DLG2: variants seen among roughly 807,000 people sequenced by gnomAD.
DLG2 encodes the protein disks large homolog 2.
A neutral mutation model predicts 132.5 loss-of-function variants in DLG2; 45 were observed. The observed-to-expected ratio is 0.34, with a 90% CI of 0.27 to 0.44. The LOEUF is 0.44. DLG2 is among the 20% of genes least tolerant of loss of function. The pLI is 1.00. For synonymous variants in DLG2, 424 were observed against 419.6 expected (o/e 1.01, Z -0.13); for missense variants, 1,045 against 1,196.9 (o/e 0.87, Z 1.87).
At chr11:85,613,142 T>G (rs1270574168) in intron 2 of DLG2, among the ~76,000 whole-genome samples, 2 of 152,208 alleles carry the variant, frequency 1.3e-5, no homozygotes, top group Non-Finnish European at 2.9e-5. Flanking sequence ...TCCTCCCCTT[T>G]CTAGGTCCCA....
rs149796787 is a variant in DLG2, at chr11:85,004,879, A to G, written c.357+106782T>C. On this transcript the variant is annotated intron_variant, in intron 6 of 27. Coordinates refer to ENST00000376104, the MANE Select transcript of DLG2 (RefSeq NM_001142699.3). ...TTTAGGTCTTAGGTTTAAGTCTTTGATCCATCTTGAGCTAATTTTTGTATA... is the reference window on the plus strand; with the variant it reads ...TTTAGGTCTTAGGTTTAAGTCTTTGGTCCATCTTGAGCTAATTTTTGTATA... 7.8e-4 allele frequency among the ~76,000 whole-genome samples: 119 copies of G among 152,186 alleles called. 1 individual carries two copies. In the East Asian group the frequency reaches 0.021, roughly 27 times the overall value.
At chr11:84,887,765 A>G (rs1343601235) in intron 6 of DLG2, among the ~76,000 whole-genome samples, 1 of 152,096 alleles carries the variant, frequency 6.6e-6, no homozygotes, top group Non-Finnish European at 1.5e-5. Context: ...TTGGGAGAGG[A>G]GGAAATCAAA....
At chr11:85,417,472 G>A (rs1275902788) in intron 3 of DLG2, among the ~76,000 whole-genome samples, 1 of 152,126 alleles carries the variant, frequency 6.6e-6, no homozygotes, top group African/African-American at 2.4e-5. Flanking sequence ...ATGAGTTAGG[G>A]AGGAGTGTCT....
chr11:85,058,320 G>A (rs749468272), intron 6 of DLG2, among the ~76,000 whole-genome samples: 14 of 151,358 alleles, frequency 9.2e-5, no homozygotes, highest in Non-Finnish European at 1.9e-4. Context: ...ACCTCTGAAC[G>A]AGTAAATGTA....
At chr11:84,915,293 A>C (rs1591215757) in intron 6 of DLG2, among the ~76,000 whole-genome samples, 1 of 152,182 alleles carries the variant, frequency 6.6e-6, no homozygotes, top group Non-Finnish European at 1.5e-5. Context: ...ATTATAATAC[A>C]TTTAATCTTG....
chr11:83,705,912 T>G (rs912538036), intron 18 of DLG2, among the ~76,000 whole-genome samples: 5 of 152,134 alleles, frequency 3.3e-5, no homozygotes, highest in African/African-American at 1.2e-4. Flanking sequence ...AAGTTTCAAC[T>G]TCACAATTAA....
At chr11:83,980,760 G>T in intron 11 of DLG2, 118 bp from the exon 12 acceptor site, 1 of 974,168 alleles carries the variant, frequency 1.0e-6, no homozygotes, top group Non-Finnish European at 1.5e-6. Context: ...TATTGTAACA[G>T]CAATAAATAA....
At chr11:83,884,670 C>T (rs1425867522) in intron 15 of DLG2, among the ~76,000 whole-genome samples, 5 of 152,178 alleles carry the variant, frequency 3.3e-5, no homozygotes, top group Admixed American at 3.3e-4. Flanking sequence ...CCCTGACTAC[C>T]AAGCAGCCTA....
intron 3 of DLG2, among the ~76,000 whole-genome samples, chr11:85,376,924 C>T (rs2085452041): frequency 1.3e-5 from 2 of 152,052 alleles, no homozygotes. Flanking sequence ...GGAAAGAATA[C>T]CCAAGAAAAT....
intron 3 of DLG2, among the ~76,000 whole-genome samples, chr11:85,535,264 A>G (rs1022627699): frequency 6.6e-6 from 1 of 152,198 alleles, no homozygotes; most frequent in Non-Finnish European, 1.5e-5. Context: ...AAAGAAAAAA[A>G]TAATTTCAAA....
intron 3 of DLG2, among the ~76,000 whole-genome samples, chr11:85,533,914 T>C (rs935003209): frequency 6.6e-6 from 1 of 152,204 alleles, no homozygotes; most frequent in Non-Finnish European, 1.5e-5. Flanking sequence ...TTAAATTCCA[T>C]TTAAGGAAAA....
chr11:84,493,167 G>A (rs2099169661), intron 7 of DLG2, among the ~76,000 whole-genome samples: 1 of 152,018 alleles, frequency 6.6e-6, no homozygotes, highest in Non-Finnish European at 1.5e-5. Flanking sequence ...ATGGTGTGAT[G>A]GTGGATTTAT....
chr11:83,497,460 G>GAGAGGC (rs1443793485), intron 21 of DLG2, among the ~76,000 whole-genome samples: 3 of 151,234 alleles, frequency 2.0e-5, no homozygotes, highest in Non-Finnish European at 4.4e-5. Context: ...GCTTGAACCT[G>GAGAGGC]AGAGGCAGAG....
intron 3 of DLG2, among the ~76,000 whole-genome samples, chr11:85,550,759 C>T (rs2076618359): frequency 6.6e-6 from 1 of 152,230 alleles, no homozygotes; most frequent in Non-Finnish European, 1.5e-5. Context: ...CTATATGAGA[C>T]TTTCTCTGGC....
chr11:85,021,801 G>A (rs1368624801), intron 6 of DLG2: 1 of 502,768 alleles, frequency 2.0e-6, no homozygotes, highest in South Asian at 2.3e-5. Context: ...GCTCGAGGTG[G>A]GTAATGCAGC....
chr11:84,199,728 G>A (rs1286694119), intron 8 of DLG2, among the ~76,000 whole-genome samples: 1 of 151,964 alleles, frequency 6.6e-6, no homozygotes, highest in African/African-American at 2.4e-5. Context: ...TGGGAATATA[G>A]GTCAATAGAA....
At chr11:84,920,897 G>GA (rs891491601) in intron 6 of DLG2, among the ~76,000 whole-genome samples, 5 of 151,498 alleles carry the variant, frequency 3.3e-5, no homozygotes, top group East Asian at 1.9e-4. Flanking sequence ...TGTGTGCAGA[G>GA]AAAAAAAAGA....
rs541778691 is a variant in DLG2 at position 83,645,584 on chromosome 11, G to A, written c.1826-12259C>T. On this transcript the variant is annotated intron_variant, in intron 18 of 27. Coordinates refer to ENST00000376104, the MANE Select transcript of DLG2 (RefSeq NM_001142699.3). ...ATCAGCTAGGAGACAGTTCATCCCTGTATAAGTAAAACAGGCAAATTTATC... is the reference window on the plus strand; with the variant it reads ...ATCAGCTAGGAGACAGTTCATCCCTATATAAGTAAAACAGGCAAATTTATC... The A allele has an allele frequency of 2.0e-5, 3 of 152,254 alleles. No homozygotes were observed. In the South Asian group the frequency reaches 6.2e-4, roughly 32 times the overall value. The allele number at this position is 152,254 out of a possible 1,614,324, so 9.4% of individuals were successfully genotyped here. A position where few individuals can be genotyped will look rare whatever the true frequency, so the allele number is the denominator to read the frequency against.
intron 6 of DLG2, among the ~76,000 whole-genome samples, chr11:84,856,316 C>A (rs1433670489): frequency 1.3e-5 from 2 of 152,070 alleles, no homozygotes; most frequent in African/African-American, 4.8e-5. Flanking sequence ...ATTGGGAAAG[C>A]TATTGGGAAA....
Sources: allele counts gnomAD v4.1 joint callset (sites outside exome capture counted in the v4.1 genomes callset), GRCh38; gene constraint gnomAD v4.1.1; transcripts MANE v1.5; gene names NCBI Gene and HGNC (gene_info 2026-07-23, HGNC 2026-07-21).